The following KDM4C variants were observed in gnomAD, a reference collection of about 807,000 sequenced individuals.
KDM4C encodes lysine-specific demethylase 4C.
KDM4C carries 81 observed loss-of-function variants against 129.3 expected under a neutral mutation model. The observed-to-expected ratio is 0.63, with a 90% CI of 0.52 to 0.75. The LOEUF (loss-of-function observed/expected upper bound fraction) is 0.75. Ranked by LOEUF, KDM4C falls within the 30% of genes least tolerant of loss-of-function variation. The probability of loss-of-function intolerance (pLI) is 0.00; values close to 1 mark genes in which losing one functional copy is unlikely to be tolerated. For synonymous variants in KDM4C, 573 were observed against 456.1 expected (o/e 1.26, Z -3.26); for missense variants, 1,457 against 1,304.0 (o/e 1.12, Z -1.81).
At chr9:7,169,631 C>T (rs978604007) in intron 20 of KDM4C, among the ~76,000 whole-genome samples, 167 bp from the exon 21 acceptor site, 4 of 152,192 alleles carry the variant, frequency 2.6e-5, no homozygotes, top group African/African-American at 9.6e-5. Flanking sequence ...CATGCCCGGC[C>T]TCTACTTAAT....
At chr9:6,993,040 C>A (rs1326006507) in intron 12 of KDM4C, among the ~76,000 whole-genome samples, 1 of 152,146 alleles carries the variant, frequency 6.6e-6, no homozygotes, top group East Asian at 1.9e-4. Context: ...CCCAAATAAC[C>A]TGAAACACCA....
intron 17 of KDM4C, among the ~76,000 whole-genome samples, chr9:7,094,624 C>A (rs774197312): frequency 6.6e-6 from 1 of 152,124 alleles, no homozygotes; most frequent in Non-Finnish European, 1.5e-5. Context: ...AGTGTCCATG[C>A]GGAGGAACCC....
intron 12 of KDM4C, among the ~76,000 whole-genome samples, chr9:7,010,873 A>G (rs975636843): frequency 1.3e-5 from 2 of 151,976 alleles, no homozygotes; most frequent in African/African-American, 4.8e-5. Flanking sequence ...GTGAAACTCC[A>G]CTACTAAAAA....
intron 10 of KDM4C, among the ~76,000 whole-genome samples, chr9:6,985,625 A>G (rs1337265446): frequency 6.6e-6 from 1 of 152,252 alleles, no homozygotes; most frequent in African/African-American, 2.4e-5. Context: ...GAAGGGAATT[A>G]CAACAAATGC....
intron 4 of KDM4C, chr9:6,834,662 CT>C: frequency 1.2e-6 from 1 of 802,004 alleles, no homozygotes; most frequent in Non-Finnish European, 2.3e-6. Flanking sequence ...CCTGAAGTGC[CT>C]CATCGAGCAT....
chr9:6,791,622 C>G (rs577250617), intron 1 of KDM4C, among the ~76,000 whole-genome samples: 4 of 152,214 alleles, frequency 2.6e-5, no homozygotes, highest in African/African-American at 9.6e-5. Context: ...TTAACATTCT[C>G]TACTCAGCCT....
At chr9:6,843,932 C>A (rs983784394) in intron 4 of KDM4C, among the ~76,000 whole-genome samples, 1 of 152,096 alleles carries the variant, frequency 6.6e-6, no homozygotes, top group African/African-American at 2.4e-5. Flanking sequence ...CTCACTGCAA[C>A]CTCAACTCCC....
At chr9:7,122,521 A>C (rs1252537119) in intron 18 of KDM4C, among the ~76,000 whole-genome samples, 1 of 152,182 alleles carries the variant, frequency 6.6e-6, no homozygotes, top group Non-Finnish European at 1.5e-5. Flanking sequence ...TGGAAAAGTC[A>C]CTTGACTTTG....
At chr9:7,099,133 T>G (rs570375711) in intron 17 of KDM4C, among the ~76,000 whole-genome samples, 6 of 152,176 alleles carry the variant, frequency 3.9e-5, no homozygotes, top group Non-Finnish European at 8.8e-5. Flanking sequence ...AGCCTGTGAC[T>G]TAATCAGGAA....
At chr9:6,974,164 G>A (rs550677999) in intron 8 of KDM4C, among the ~76,000 whole-genome samples, 1 of 152,292 alleles carries the variant, frequency 6.6e-6, no homozygotes, top group African/African-American at 2.4e-5. Flanking sequence ...AGGATATGAT[G>A]ATTCAAGTGG....
chr9:6,823,954 T>A (rs1375869889), intron 4 of KDM4C, among the ~76,000 whole-genome samples: 1 of 152,232 alleles, frequency 6.6e-6, no homozygotes, highest in East Asian at 1.9e-4. Context: ...GATGGGAAGA[T>A]GACAGCAGTA....
intron 12 of KDM4C, among the ~76,000 whole-genome samples, chr9:6,992,550 C>T (rs142212210): frequency 1.4e-4 from 22 of 152,244 alleles, no homozygotes; most frequent in African/African-American, 4.6e-4. Context: ...TTCAAACTGG[C>T]AACAGAGAAT....
At chr9:6,741,392 C>T (rs2130261105) in intron 1 of KDM4C, among the ~76,000 whole-genome samples, 1 of 152,108 alleles carries the variant, frequency 6.6e-6, no homozygotes, top group South Asian at 2.1e-4. Context: ...GAGACTCTAT[C>T]TCAAAAAACA....
At chr9:7,095,430 G>A (rs893965336) in intron 17 of KDM4C, among the ~76,000 whole-genome samples, 2 of 152,008 alleles carry the variant, frequency 1.3e-5, no homozygotes, top group African/African-American at 4.8e-5. Flanking sequence ...CAGGCCCAAG[G>A]CCAAAAATGA....
chr9:6,765,343 C>G (rs1028964918), intron 1 of KDM4C, among the ~76,000 whole-genome samples: 1 of 152,106 alleles, frequency 6.6e-6, no homozygotes, highest in African/African-American at 2.4e-5. Context: ...ATACATCTTT[C>G]TGATCTCTAC....
At chr9:7,009,220 C>T (rs1822240805) in intron 12 of KDM4C, among the ~76,000 whole-genome samples, 1 of 152,174 alleles carries the variant, frequency 6.6e-6, no homozygotes, top group South Asian at 2.1e-4. Flanking sequence ...CAAACATATT[C>T]TGGAGGTAAA....
chr9:7,079,383 G>A (rs62533897), intron 17 of KDM4C, among the ~76,000 whole-genome samples: 26,759 of 152,234 alleles, frequency 0.18, 2,880 homozygotes, highest in South Asian at 0.41. Flanking sequence ...GAATGTAGTA[G>A]TACGATCTTG....
chr9:7,057,120 AT>A (rs1483156594), intron 17 of KDM4C, among the ~76,000 whole-genome samples: 1 of 152,222 alleles, frequency 6.6e-6, no homozygotes, highest in Non-Finnish European at 1.5e-5. Context: ...TTTGTTTCAT[AT>A]TTTAATATAA....
Position 6,984,288 on chromosome 9 carries a change from G to A in KDM4C, c.1238G>A (p.Ser413Asn). The A allele has an allele frequency of 1.2e-6, 2 of 1,614,032 alleles. No homozygotes were observed. Among genetic ancestry groups the A allele is most frequent in the Non-Finnish European group, 1.7e-6 (2 of 1,179,902 alleles). The change falls in exon 10 of 22, where the codon AGT (serine) becomes AAT (asparagine). Residue 413 changes from serine to asparagine, a missense_variant. Physicochemically the swap from Ser to Asn is conservative, Grantham distance 46 (BLOSUM62 1). Transcript: ENST00000381309. ...PDSVTDDLKVSEKSEAAVKLR... is the reference protein window; with the variant it reads ...PDSVTDDLKVNEKSEAAVKLR... ...TCAGTCACAGATGACCTCAAGGTCA[G>A]TGAAAAGTCAGAAGCAGCAGTGAAG...
Sources: allele counts gnomAD v4.1 joint callset (sites outside exome capture counted in the v4.1 genomes callset), GRCh38; gene constraint gnomAD v4.1.1; transcripts MANE v1.5; gene names NCBI Gene and HGNC (gene_info 2026-07-23, HGNC 2026-07-21).